The following DLGAP2 variants were observed in gnomAD, a reference collection of about 807,000 sequenced individuals.
DLGAP2 encodes the protein disks large-associated protein 2.
Under a neutral mutation model 100.3 loss-of-function variants are expected in DLGAP2, and 26 were observed. That is an observed-to-expected ratio of 0.26 (90% CI 0.19 to 0.36). The LOEUF is 0.36. Ranked by LOEUF, DLGAP2 falls within the 10% of genes least tolerant of loss-of-function variation. DLGAP2 has a pLI of 1.00. For synonymous variants in DLGAP2, 886 were observed against 630.1 expected (o/e 1.41, Z -6.08); for missense variants, 1,858 against 1,453.2 (o/e 1.28, Z -4.53).
At chr8:1,095,401 C>G (rs528299386) in intron 2 of DLGAP2, among the ~76,000 whole-genome samples, 2 of 152,182 alleles carry the variant, frequency 1.3e-5, no homozygotes, top group East Asian at 3.9e-4. Context: ...CACCCTCGCC[C>G]GGGGTTCTTG....
intron 2 of DLGAP2, among the ~76,000 whole-genome samples, chr8:910,799 T>A (rs1190961950): frequency 3.3e-5 from 5 of 152,222 alleles, no homozygotes; most frequent in Middle Eastern, 6.8e-3. Flanking sequence ...AGGATTGGTG[T>A]CCTTGCAGGG....
chr8:1,148,768 T>A (rs1214959637), intron 2 of DLGAP2, among the ~76,000 whole-genome samples: 1 of 152,230 alleles, frequency 6.6e-6, no homozygotes, highest in Non-Finnish European at 1.5e-5. Flanking sequence ...TCTACTGTAG[T>A]CAGATAATAT....
At position 1,706,249 on chromosome 8, in the gene DLGAP2, C is replaced by G. The variant is rs997768544; in HGVS notation, c.*4843C>G. 6.6e-6 allele frequency: 1 copy of G among 152,234 alleles called. No homozygotes were observed. The highest frequency in any genetic ancestry group is 2.1e-4 in the South Asian group (1 of 4,824). The allele number at this position is 152,234 out of a possible 1,614,324, so 9.4% of individuals were successfully genotyped here. On this transcript the variant is annotated 3_prime_UTR_variant, in exon 15 of 15. Transcript: ENST00000637795. ...TTCATCCTCAGCCGGCAACTCATCT[C>G]AAGTTTATGTCTCAGTTTTTTTCCT...
At chr8:1,482,482 G>A (rs890592212) in intron 3 of DLGAP2, among the ~76,000 whole-genome samples, 3 of 152,244 alleles carry the variant, frequency 2.0e-5, no homozygotes, top group African/African-American at 7.2e-5. Flanking sequence ...TGGAACGTCT[G>A]CTCTGAGTAA....
intron 2 of DLGAP2, among the ~76,000 whole-genome samples, chr8:913,710 G>T (rs1798535278): frequency 6.6e-6 from 1 of 152,214 alleles, no homozygotes; most frequent in Non-Finnish European, 1.5e-5. Flanking sequence ...AGATCCAGAG[G>T]TACCTGTGAC....
chr8:862,299 GTT>G (rs1199269737), intron 1 of DLGAP2, among the ~76,000 whole-genome samples: 3 of 138,082 alleles, frequency 2.2e-5, no homozygotes, highest in Non-Finnish European at 3.2e-5. Context: ...TTGGACTCCA[GTT>G]TTTTTTTTTT....
chr8:1,012,771 G>GC (rs1355010291), intron 2 of DLGAP2, among the ~76,000 whole-genome samples: 6 of 121,786 alleles, frequency 4.9e-5, no homozygotes, highest in Admixed American at 4.4e-4. Flanking sequence ...CCTCCGACCA[G>GC]CCCCCCACTT....
chr8:1,044,683 A>G (rs1488138484), intron 2 of DLGAP2, among the ~76,000 whole-genome samples: 2 of 152,178 alleles, frequency 1.3e-5, no homozygotes, highest in Non-Finnish European at 2.9e-5. Context: ...CTAAAAGACT[A>G]GAAGCTATCG....
chr8:894,784 G>A, intron 1 of DLGAP2, among the ~76,000 whole-genome samples: 1 of 91,010 alleles, frequency 1.1e-5, no homozygotes, highest in Non-Finnish European at 2.2e-5. Context: ...GGCTGGCAGG[G>A]GCGGGGTGGG....
chr8:1,481,208 TGAAA>T (rs1401997551), intron 3 of DLGAP2, among the ~76,000 whole-genome samples: 2 of 151,612 alleles, frequency 1.3e-5, no homozygotes, highest in African/African-American at 4.8e-5. Flanking sequence ...CCATCAAAAA[TGAAA>T]GAAGGTTGAA....
At chr8:1,424,759 G>A (rs1337676618) in intron 3 of DLGAP2, among the ~76,000 whole-genome samples, 1 of 152,230 alleles carries the variant, frequency 6.6e-6, no homozygotes, top group Non-Finnish European at 1.5e-5. Flanking sequence ...ACCTGGAGAA[G>A]TCAGATGCAC....
intron 2 of DLGAP2, among the ~76,000 whole-genome samples, chr8:1,133,003 C>T (rs1796328979): frequency 6.6e-6 from 1 of 152,220 alleles, no homozygotes; most frequent in African/African-American, 2.4e-5. Flanking sequence ...GAAGTTGTGT[C>T]TTCACTTCCC....
intron 2 of DLGAP2, among the ~76,000 whole-genome samples, chr8:1,252,577 G>T (rs938411849): frequency 6.6e-6 from 1 of 152,282 alleles, no homozygotes; most frequent in African/African-American, 2.4e-5. Flanking sequence ...GGGTCATGGT[G>T]TCCCACAGTT....
intron 8 of DLGAP2, among the ~76,000 whole-genome samples, chr8:1,666,843 A>G (rs1798556307): frequency 6.6e-6 from 1 of 152,166 alleles, no homozygotes; most frequent in African/African-American, 2.4e-5. Context: ...TGGGTTAAAA[A>G]TGATTGGAGG....
chr8:953,839 C>A (rs929907176), intron 2 of DLGAP2, among the ~76,000 whole-genome samples: 2 of 152,330 alleles, frequency 1.3e-5, no homozygotes, highest in Middle Eastern at 3.4e-3. Flanking sequence ...TCCATTTGGT[C>A]AGTCACTCAG....
chr8:1,493,241 T>C (rs1309699585), intron 3 of DLGAP2, among the ~76,000 whole-genome samples: 3 of 151,992 alleles, frequency 2.0e-5, no homozygotes, highest in Non-Finnish European at 2.9e-5. Flanking sequence ...ATGGAGCGCA[T>C]AGAGGGCTGC....
At chr8:1,178,279 C>T (rs532955708) in intron 2 of DLGAP2, among the ~76,000 whole-genome samples, 1 of 152,310 alleles carries the variant, frequency 6.6e-6, no homozygotes, top group Admixed American at 6.5e-5. Flanking sequence ...GGTTAGAGGG[C>T]TGTGAATTGT....
chr8:1,325,691 G>C (rs1050718801), intron 3 of DLGAP2, among the ~76,000 whole-genome samples: 2 of 152,196 alleles, frequency 1.3e-5, no homozygotes, highest in Non-Finnish European at 2.9e-5. Flanking sequence ...TTCCTCTCGC[G>C]TGTGCTGCTA....
At chr8:743,574 T>C (rs1226262249) in intron 1 of DLGAP2, among the ~76,000 whole-genome samples, 1 of 152,190 alleles carries the variant, frequency 6.6e-6, no homozygotes, top group Non-Finnish European at 1.5e-5. Flanking sequence ...TTTATTTACT[T>C]ACTTATTTAG....
Sources: gnomAD v4.1 joint callset for allele counts (sites outside exome capture counted in the v4.1 genomes callset) on GRCh38, gnomAD v4.1.1 for gene constraint, MANE v1.5 for transcripts, NCBI Gene and HGNC (gene_info 2026-07-23, HGNC 2026-07-21) for gene names.